QTGAL: variants seen among roughly 807,000 people sequenced by gnomAD.
QTGAL encodes the protein BGnT-like protein 1.
At chr17:82,970,005 T>C in the QTGAL span, among the ~76,000 whole-genome samples, 1 of 152,218 alleles carries the variant, frequency 6.6e-6, no homozygotes, top group Non-Finnish European at 1.5e-5. Flanking sequence ...AAGTCTTTGC[T>C]ACCACCAAGG....
the QTGAL span, among the ~76,000 whole-genome samples, chr17:82,983,701 G>A: frequency 0.011 from 1,722 of 152,328 alleles, 36 homozygotes; most frequent in African/African-American, 0.039. Flanking sequence ...AGCGGCTCCC[G>A]TTATGCAGCC....
At chr17:82,967,637 A>C in the QTGAL span, among the ~76,000 whole-genome samples, 1 of 152,086 alleles carries the variant, frequency 6.6e-6, no homozygotes, top group Non-Finnish European at 1.5e-5. Flanking sequence ...ACCCTCTAGG[A>C]CTGTTACAAT....
the QTGAL span, among the ~76,000 whole-genome samples, chr17:83,027,197 G>A: frequency 6.6e-6 from 1 of 152,180 alleles, no homozygotes; most frequent in Admixed American, 6.5e-5. Flanking sequence ...CAGACACAGA[G>A]CAGGGCAGGG....
chr17:83,051,345 C>A, the QTGAL span, among the ~76,000 whole-genome samples: 44 of 150,346 alleles, frequency 2.9e-4, no homozygotes, highest in African/African-American at 1.1e-3. Context: ...GAGCGCGGGG[C>A]AGGCGGGCGG....
At chr17:82,977,059 G>A in the QTGAL span, among the ~76,000 whole-genome samples, 29 of 152,402 alleles carry the variant, frequency 1.9e-4, no homozygotes, top group Admixed American at 6.5e-4. Flanking sequence ...CTGCTGACCC[G>A]CAGTGCCCAC....
the QTGAL span, among the ~76,000 whole-genome samples, chr17:83,029,653 C>T: frequency 6.6e-6 from 1 of 152,172 alleles, no homozygotes; most frequent in African/African-American, 2.4e-5. Flanking sequence ...CGCAGATTGG[C>T]TATGTCTGCC....
At chr17:83,043,362 A>G in the QTGAL span, among the ~76,000 whole-genome samples, 1 of 152,236 alleles carries the variant, frequency 6.6e-6, no homozygotes, top group African/African-American at 2.4e-5. Context: ...AATAAGTAAC[A>G]GAAGTAAAAC....
chr17:82,963,751 G>A, the QTGAL span, among the ~76,000 whole-genome samples: 2 of 152,144 alleles, frequency 1.3e-5, no homozygotes, highest in African/African-American at 4.8e-5. Flanking sequence ...TAGATGAGGT[G>A]CGCCCCTGGG....
the QTGAL span, among the ~76,000 whole-genome samples, chr17:82,997,926 A>ATAT: frequency 8.2e-5 from 8 of 97,534 alleles, no homozygotes; most frequent in South Asian, 7.4e-4. Flanking sequence ...GGTTTAAAAA[A>ATAT]AAAAATATAT....
the QTGAL span, among the ~76,000 whole-genome samples, chr17:83,013,217 C>T: frequency 6.6e-6 from 1 of 152,128 alleles, no homozygotes; most frequent in African/African-American, 2.4e-5. Flanking sequence ...CCACTGAGCC[C>T]CAGGACCTGA....
At chr17:83,014,023 G>C in the QTGAL span, among the ~76,000 whole-genome samples, 1 of 152,162 alleles carries the variant, frequency 6.6e-6, no homozygotes, top group Non-Finnish European at 1.5e-5. Flanking sequence ...GAGCCCACGG[G>C]GCACTGCTGG....
At chr17:82,991,483 T>C in the QTGAL span, among the ~76,000 whole-genome samples, 1 of 152,218 alleles carries the variant, frequency 6.6e-6, no homozygotes, top group Non-Finnish European at 1.5e-5. Flanking sequence ...CTCCTTGCCT[T>C]CTGCCATGAT....
chr17:82,965,263 G>A, the QTGAL span, among the ~76,000 whole-genome samples: 2 of 151,652 alleles, frequency 1.3e-5, no homozygotes, highest in African/African-American at 2.4e-5. Flanking sequence ...GGACACAGAC[G>A]CCTGCAGGTG....
At chr17:82,960,401 C>G in the QTGAL span, 15 of 152,302 alleles carry the variant, frequency 9.8e-5, no homozygotes, top group African/African-American at 3.4e-4. Flanking sequence ...GGCCTGCTTT[C>G]CAACTTAACG....
chr17:82,978,317 T>C, the QTGAL span, among the ~76,000 whole-genome samples: 1 of 152,140 alleles, frequency 6.6e-6, no homozygotes, highest in Admixed American at 6.6e-5. This position sits in a 1 kb window ranked among gnomAD's most constrained non-coding sequence, Gnocchi z 4.8. Flanking sequence ...CCGAGGAAGG[T>C]TTTATCGGAG....
the QTGAL span, chr17:83,006,607 C>T: frequency 1.0e-6 from 1 of 985,204 alleles, no homozygotes; most frequent in Non-Finnish European, 1.2e-6. This position sits in a 1 kb window ranked among gnomAD's most constrained non-coding sequence, Gnocchi z 5.8. Context: ...CAACGGCAGC[C>T]GCTGTGCTAT....
At chr17:82,961,258 G>C in the QTGAL span, 1 of 1,524,752 alleles carries the variant, frequency 6.6e-7, no homozygotes, top group Non-Finnish European at 8.9e-7. Flanking sequence ...CTACACCTGC[G>C]CTCAGCCGGC....
chr17:83,013,963 G>A, the QTGAL span, among the ~76,000 whole-genome samples: 2 of 152,272 alleles, frequency 1.3e-5, no homozygotes, highest in African/African-American at 2.4e-5. Flanking sequence ...TGCGGTGGGG[G>A]ATGGAGGAGC....
At chr17:82,976,461 C>T in the QTGAL span, among the ~76,000 whole-genome samples, 1 of 77,438 alleles carries the variant, frequency 1.3e-5, no homozygotes, top group Admixed American at 1.1e-4. Context: ...GTCAGGGCCC[C>T]GGGACAGAGC....
Sources: allele counts gnomAD v4.1 joint callset (sites outside exome capture counted in the v4.1 genomes callset), GRCh38; gene constraint gnomAD v4.1.1; non-coding constraint Gnocchi (gnomAD v3.1); transcripts MANE v1.5; gene names NCBI Gene and HGNC (gene_info 2026-07-23, HGNC 2026-07-21).